The following PIP4K2A variants were observed in gnomAD, a reference collection of about 807,000 sequenced individuals.
The protein encoded by PIP4K2A is phosphatidylinositol 5-phosphate 4-kinase type-2 alpha.
Under a neutral mutation model 42.9 loss-of-function variants are expected in PIP4K2A, and 14 were observed. That is an observed-to-expected ratio of 0.33 (90% CI 0.22 to 0.51). PIP4K2A has a LOEUF of 0.51. Ranked by LOEUF, PIP4K2A falls within the 20% of genes least tolerant of loss-of-function variation. The pLI is 0.97. For synonymous variants in PIP4K2A, 192 were observed against 192.2 expected, an observed-to-expected ratio of 1.00 and a Z score of 0.01; for missense variants, 434 against 519.8, an observed-to-expected ratio of 0.83 and a Z score of 1.61.
At chr10:22,567,051 T>C (rs975301951) in intron 6 of PIP4K2A, among the ~76,000 whole-genome samples, 12 of 152,190 alleles carry the variant, frequency 7.9e-5, no homozygotes, top group African/African-American at 2.9e-4. Context: ...AAGAACAACT[T>C]TCAAACAACA....
intron 1 of PIP4K2A, among the ~76,000 whole-genome samples, chr10:22,685,322 T>A (rs1839742283): frequency 6.6e-6 from 1 of 152,160 alleles, no homozygotes; most frequent in Non-Finnish European, 1.5e-5. Flanking sequence ...TACTAAAAAA[T>A]TTCAGAAGAG....
intron 2 of PIP4K2A, 112 bp downstream of exon 2, chr10:22,609,508 A>T: frequency 4.3e-6 from 3 of 691,336 alleles, no homozygotes; most frequent in Non-Finnish European, 7.8e-6. Context: ...GATTAACTTC[A>T]TCAGCAAAAC....
intron 3 of PIP4K2A, among the ~76,000 whole-genome samples, chr10:22,601,494 C>T (rs1215518340): frequency 6.6e-6 from 1 of 152,162 alleles, no homozygotes; most frequent in Non-Finnish European, 1.5e-5. Context: ...TGGGTCTCAG[C>T]CTCAGTGCGT....
intron 4 of PIP4K2A, among the ~76,000 whole-genome samples, chr10:22,574,768 G>A (rs1040574509): frequency 6.6e-6 from 1 of 152,140 alleles, no homozygotes; most frequent in African/African-American, 2.4e-5. Flanking sequence ...TTAGATGAGT[G>A]AAACATTTTC....
chr10:22,708,466 C>T (rs1311052977), intron 1 of PIP4K2A, among the ~76,000 whole-genome samples: 5 of 152,152 alleles, frequency 3.3e-5, no homozygotes, highest in Non-Finnish European at 2.9e-5. Flanking sequence ...TTCCAGCATC[C>T]TACATGGTAC....
chr10:22,705,512 C>A (rs1833806429), intron 1 of PIP4K2A, among the ~76,000 whole-genome samples: 2 of 135,012 alleles, frequency 1.5e-5, no homozygotes, highest in Admixed American at 7.9e-5. Flanking sequence ...CTGGAGGAAA[C>A]TGAGGTAGGC....
At chr10:22,574,377 T>A (rs1837060515) in intron 4 of PIP4K2A, among the ~76,000 whole-genome samples, 1 of 151,890 alleles carries the variant, frequency 6.6e-6, no homozygotes, top group South Asian at 2.1e-4. Context: ...TATTCAGAGA[T>A]GCTAATGATG....
chr10:22,583,745 C>T (rs77382084), intron 4 of PIP4K2A, among the ~76,000 whole-genome samples: 3 of 152,240 alleles, frequency 2.0e-5, no homozygotes, highest in African/African-American at 7.2e-5. Flanking sequence ...TTCAGTAAGA[C>T]TCTCAGACAC....
At chr10:22,604,909 C>T (rs2130842873) in intron 3 of PIP4K2A, among the ~76,000 whole-genome samples, 1 of 152,306 alleles carries the variant, frequency 6.6e-6, no homozygotes, top group South Asian at 2.1e-4. Flanking sequence ...AGGTCCTGGC[C>T]CCTGCCCGCC....
At chr10:22,627,959 T>C (rs553903411) in intron 1 of PIP4K2A, among the ~76,000 whole-genome samples, 53 of 152,328 alleles carry the variant, frequency 3.5e-4, no homozygotes, top group African/African-American at 1.2e-3. Context: ...ACTAGATCTA[T>C]TCATTTTTGC....
intron 1 of PIP4K2A, among the ~76,000 whole-genome samples, chr10:22,631,492 C>A (rs553472845): frequency 6.6e-6 from 1 of 152,174 alleles, no homozygotes; most frequent in Non-Finnish European, 1.5e-5. Flanking sequence ...CGAACCCTGT[C>A]AGAACCCTGA....
At chr10:22,712,368 ATAT>A (rs1458496740) in intron 1 of PIP4K2A, among the ~76,000 whole-genome samples, 1 of 152,202 alleles carries the variant, frequency 6.6e-6, no homozygotes, top group African/African-American at 2.4e-5. Context: ...TTTCGGCAGC[ATAT>A]TGTTGACACT....
At chr10:22,694,919 A>AC (rs1839940085) in intron 1 of PIP4K2A, among the ~76,000 whole-genome samples, 2 of 152,328 alleles carry the variant, frequency 1.3e-5, no homozygotes, top group South Asian at 4.1e-4. Flanking sequence ...TTACCAGAAA[A>AC]ATTTTTATCT....
At chr10:22,652,634 T>A (rs1839017929) in intron 1 of PIP4K2A, among the ~76,000 whole-genome samples, 1 of 152,250 alleles carries the variant, frequency 6.6e-6, no homozygotes, top group Non-Finnish European at 1.5e-5. Context: ...TACGCAAATG[T>A]GTATTAAAAC....
At chr10:22,674,782 A>AAATAAATAAAT (rs1839522175) in intron 1 of PIP4K2A, among the ~76,000 whole-genome samples, 1 of 148,404 alleles carries the variant, frequency 6.7e-6, no homozygotes, top group African/African-American at 2.5e-5. Context: ...TCTCTACCAA[A>AAATAAATAAAT]AAATAAATAA....
intron 1 of PIP4K2A, among the ~76,000 whole-genome samples, chr10:22,674,672 T>C (rs1319714496): frequency 6.6e-6 from 1 of 152,056 alleles, no homozygotes; most frequent in African/African-American, 2.4e-5. Context: ...CCAGGCACAG[T>C]GATTCATGCC....
At position 22,539,917 on chromosome 10, in the gene PIP4K2A, G is replaced by C. The variant is rs1282767351; in HGVS notation, c.1140+54C>G. ...AGAGAGAGAGAGAGAGAGAGGGAGA[G>C]AGAGAGAGAGAGAGGGAGAGAAAGA... On this transcript the variant is annotated intron_variant, in intron 9 of 9. Coordinates refer to ENST00000376573, the MANE Select transcript of PIP4K2A (RefSeq NM_005028.5). 6 of 912,548 alleles carry C rather than the reference G, an allele frequency of 6.6e-6. No individual in the cohort carries two copies. The East Asian group carries it at 1.4e-4, about 22-fold the overall frequency. The allele number at this position is 912,548 out of a possible 1,614,324, so 56.5% of individuals were successfully genotyped here.
intron 6 of PIP4K2A, among the ~76,000 whole-genome samples, chr10:22,563,822 A>C (rs1171402510): frequency 6.6e-6 from 1 of 152,204 alleles, no homozygotes; most frequent in Admixed American, 6.5e-5. Flanking sequence ...TCATCTGGTG[A>C]CTGTTAAGGA....
rs558685943 is a variant in PIP4K2A at position 22,568,170 on chromosome 10, G to A, written c.640-281C>T. On this transcript the variant is annotated intron_variant, in intron 5 of 9. Transcript: ENST00000376573. ...GTTCTTGTCCACCTGCTGGAAGTTA[G>A]AAAACCTGACCATCACTTACTTGAG... Among the ~76,000 whole-genome samples the A allele has an allele frequency of 6.2e-4, 94 of 152,354 alleles. 2 individuals carry two copies. The highest frequency in any genetic ancestry group is 5.4e-3 in the South Asian group (26 of 4,832).
Sources: gnomAD v4.1 joint callset for allele counts (sites outside exome capture counted in the v4.1 genomes callset) on GRCh38, gnomAD v4.1.1 for gene constraint, MANE v1.5 for transcripts, NCBI Gene and HGNC (gene_info 2026-07-23, HGNC 2026-07-21) for gene names.